RNF212B: variants seen among roughly 807,000 people sequenced by gnomAD.
RNF212B encodes ring finger protein 212B, also known as E3 ubiquitin-protein ligase RNF212B.
Under a neutral mutation model 55.5 loss-of-function variants are expected in RNF212B, and 52 were observed. That is an observed-to-expected ratio of 0.94 (90% confidence interval 0.75 to 1.18). RNF212B has a LOEUF of 1.18. RNF212B is among the 50% of genes most tolerant of loss of function. RNF212B has a pLI of 0.00. For synonymous variants in RNF212B, 99 were observed against 121.4 expected (o/e 0.82, Z 1.21); for missense variants, 289 against 350.4 (o/e 0.82, Z 1.40).
intron 4 of RNF212B, among the ~76,000 whole-genome samples, chr14:23,256,198 T>G (rs140267102): frequency 3.9e-5 from 6 of 152,240 alleles, no homozygotes; most frequent in African/African-American, 1.4e-4. Flanking sequence ...GACATAATTT[T>G]ACTCCTGACT....
chr14:23,225,255 C>T (rs1024126834), intron 2 of RNF212B, among the ~76,000 whole-genome samples: 5 of 152,070 alleles, frequency 3.3e-5, no homozygotes, highest in African/African-American at 7.2e-5. Flanking sequence ...GGGGATTCCT[C>T]AAAAAACTAA....
intron 2 of RNF212B, among the ~76,000 whole-genome samples, chr14:23,223,074 AAAAG>A (rs1480152954): frequency 1.4e-5 from 2 of 143,626 alleles, no homozygotes; most frequent in African/African-American, 5.1e-5. Flanking sequence ...AAAAAAAAGG[AAAAG>A]AAAAGATTGT....
intron 2 of RNF212B, among the ~76,000 whole-genome samples, chr14:23,217,249 CAGTGGTGG>C: frequency 5.6e-5 from 1 of 17,944 alleles, no homozygotes; most frequent in South Asian, 2.0e-3. Context: ...GCAGTGGTGG[CAGTGGTGG>C]GGGGGGGGCT....
At chr14:23,251,628 C>T (rs113879977) in intron 4 of RNF212B, among the ~76,000 whole-genome samples, 2,559 of 152,190 alleles carry the variant, frequency 0.017, 80 homozygotes, top group African/African-American at 0.059. Flanking sequence ...CCAGCCTGGC[C>T]AACATGGTGA....
At chr14:23,244,255 A>G (rs577339140) in intron 3 of RNF212B, 67 bp from the exon 4 acceptor site, 2 of 902,430 alleles carry the variant, frequency 2.2e-6, no homozygotes, top group East Asian at 2.7e-5. Context: ...ATCTTTTGTC[A>G]TGTTAGTCAG....
intron 2 of RNF212B, among the ~76,000 whole-genome samples, chr14:23,194,204 A>G (rs1878411326): frequency 6.6e-6 from 1 of 152,230 alleles, no homozygotes; most frequent in Non-Finnish European, 1.5e-5. Context: ...CAAGCACTAC[A>G]TAAACATGGC....
At chr14:23,253,307 AT>A (rs1333286513) in intron 4 of RNF212B, among the ~76,000 whole-genome samples, 2 of 152,142 alleles carry the variant, frequency 1.3e-5, no homozygotes, top group Admixed American at 6.6e-5. Context: ...AAAGGTATAT[AT>A]TTCAGTTGGT....
intron 2 of RNF212B, among the ~76,000 whole-genome samples, chr14:23,197,665 G>A (rs764640268): frequency 6.6e-5 from 10 of 151,866 alleles, no homozygotes; most frequent in Non-Finnish European, 1.2e-4. Flanking sequence ...CCCCAAAGGA[G>A]AGAGAATAAT....
chr14:23,234,142 A>G (rs948872918), upstream of RNF212B, among the ~76,000 whole-genome samples: 3 of 152,118 alleles, frequency 2.0e-5, no homozygotes, highest in East Asian at 5.8e-4. Flanking sequence ...GATATTTTCT[A>G]GGAAAACTGT....
At chr14:23,256,131 G>A (rs1884814017) in intron 4 of RNF212B, among the ~76,000 whole-genome samples, 1 of 152,000 alleles carries the variant, frequency 6.6e-6, no homozygotes, top group South Asian at 2.1e-4. Flanking sequence ...TAATGTCAAA[G>A]GGAGGGCTAA....
rs2140349948 is a variant in RNF212B, at chr14:23,186,255, A to G, written c.-79+765A>G. On this transcript the variant is annotated intron_variant, in intron 1 of 15. Coordinates refer to the RNF212B transcript ENST00000399910. ...TGTGTCAAAATTCCAGGTGACTAAC[A>G]TTGAACACAAGAGAGAAAGAAAAGC... Among the ~76,000 whole-genome samples the G allele has an allele frequency of 1.3e-5, 2 of 152,366 alleles. 1 individual carries two copies. The highest frequency in any genetic ancestry group is 6.8e-3 in the Middle Eastern group (2 of 294).
chr14:23,266,821 T>C (rs952171307), intron 11 of RNF212B, among the ~76,000 whole-genome samples: 1 of 152,232 alleles, frequency 6.6e-6, no homozygotes, highest in Admixed American at 6.5e-5. Flanking sequence ...GTGTATTCTA[T>C]AGAGTCTGCT....
intron 1 of RNF212B, among the ~76,000 whole-genome samples, chr14:23,188,574 C>T (rs1877821380): frequency 1.3e-5 from 2 of 151,704 alleles, no homozygotes; most frequent in Non-Finnish European, 1.5e-5. Context: ...TCAAGTGATC[C>T]TCCTGCCTCA....
chr14:23,224,965 A>G (rs1881877514), intron 2 of RNF212B, among the ~76,000 whole-genome samples: 1 of 152,212 alleles, frequency 6.6e-6, no homozygotes, highest in Non-Finnish European at 1.5e-5. Flanking sequence ...ACATTTCTCA[A>G]AAGAAGACAT....
At chr14:23,219,184 T>C (rs1566405446) in intron 2 of RNF212B, among the ~76,000 whole-genome samples, 2 of 152,192 alleles carry the variant, frequency 1.3e-5, no homozygotes, top group East Asian at 3.9e-4. Context: ...TTACAAGAAA[T>C]GCTAAATGGA....
chr14:23,208,383 G>T (rs1169959433), intron 2 of RNF212B, among the ~76,000 whole-genome samples: 1 of 152,094 alleles, frequency 6.6e-6, no homozygotes, highest in Non-Finnish European at 1.5e-5. Flanking sequence ...TGTAGTTCTA[G>T]CTACCTGGAA....
Position 23,262,825 on chromosome 14 carries a change from T to C in RNF212B, c.482-103T>C, listed in dbSNP as rs1885396622. Reference sequence around the variant, plus strand: ...GATCTTCCTAACTTTATGTGTAATATGAAAACATTATATAACCAGATAACC... The same window carrying C: ...GATCTTCCTAACTTTATGTGTAATACGAAAACATTATATAACCAGATAACC... On this transcript the variant is annotated intron_variant, in intron 8 of 14. Transcript: ENST00000430154. 3.4e-6 allele frequency: 5 copies of C among 1,456,608 alleles called. No homozygotes were observed. The Admixed American group carries it at 5.9e-5, about 17-fold the overall frequency. 90.2% of individuals were successfully genotyped at this position (1,456,608 alleles called of 1,614,324 possible).
intron 2 of RNF212B, among the ~76,000 whole-genome samples, chr14:23,216,975 T>C (rs1221679696): frequency 2.7e-5 from 4 of 149,240 alleles, no homozygotes; most frequent in Non-Finnish European, 5.9e-5. Context: ...ATTATAGAAC[T>C]GGAGAGCAGA....
chr14:23,210,180 CT>C (rs1880342422), intron 2 of RNF212B, among the ~76,000 whole-genome samples: 1 of 152,184 alleles, frequency 6.6e-6, no homozygotes, highest in African/African-American at 2.4e-5. Flanking sequence ...ACAAATACCC[CT>C]ATGACTAAGT....
Sources: allele counts gnomAD v4.1 joint callset (sites outside exome capture counted in the v4.1 genomes callset), GRCh38; gene constraint gnomAD v4.1.1; transcripts MANE v1.5; gene names NCBI Gene and HGNC (gene_info 2026-07-23, HGNC 2026-07-21).